The following CNTN1 variants were observed in gnomAD, a reference collection of about 807,000 sequenced individuals.
CNTN1 encodes contactin 1.
Under a neutral mutation model 126.4 loss-of-function variants are expected in CNTN1, and 38 were observed. The ratio of observed to expected loss-of-function variants is 0.30; its 90% CI spans 0.23 to 0.39. The LOEUF is 0.39. Ranked by LOEUF, CNTN1 falls within the 10% of genes least tolerant of loss-of-function variation. The pLI is 1.00. For synonymous variants in CNTN1, 413 were observed against 422.6 expected, an observed-to-expected ratio of 0.98 and a Z score of 0.28; for missense variants, 1,009 against 1,248.4, an observed-to-expected ratio of 0.81 and a Z score of 2.89.
intron 1 of CNTN1, among the ~76,000 whole-genome samples, chr12:40,847,474 C>A (rs1424852315): frequency 6.6e-6 from 1 of 152,100 alleles, no homozygotes; most frequent in Non-Finnish European, 1.5e-5. Flanking sequence ...TACTTCAAAT[C>A]AGCCAAAACT....
At chr12:40,793,180 T>C (rs1008954644) in intron 1 of CNTN1, among the ~76,000 whole-genome samples, 5 of 152,134 alleles carry the variant, frequency 3.3e-5, no homozygotes, top group African/African-American at 1.2e-4. Flanking sequence ...ACCATCTTGC[T>C]GGCCACACCT....
chr12:40,721,269 T>C (rs994148453), intron 1 of CNTN1, among the ~76,000 whole-genome samples: 5 of 152,170 alleles, frequency 3.3e-5, no homozygotes, highest in Admixed American at 1.3e-4. Context: ...ATGTTTCTTA[T>C]CACATTCTCT....
At chr12:40,872,732 AG>A (rs1283665912) in intron 1 of CNTN1, among the ~76,000 whole-genome samples, 1 of 151,610 alleles carries the variant, frequency 6.6e-6, no homozygotes, top group East Asian at 1.9e-4. Flanking sequence ...CACCACGCCC[AG>A]ATAATTTGTG....
chr12:41,051,314 ATT>A (rs60640159), intron 23 of CNTN1, among the ~76,000 whole-genome samples: 11 of 146,896 alleles, frequency 7.5e-5, no homozygotes, highest in African/African-American at 2.7e-4. Flanking sequence ...TGCCCAGATA[ATT>A]TTTTTTTTTA....
chr12:40,766,143 A>C (rs1369501227), intron 1 of CNTN1, among the ~76,000 whole-genome samples: 3 of 152,164 alleles, frequency 2.0e-5, no homozygotes, highest in African/African-American at 7.2e-5. Flanking sequence ...AGATCACTTG[A>C]GGTCAAGGGT....
At chr12:40,779,125 A>AT (rs1565723671) in intron 1 of CNTN1, among the ~76,000 whole-genome samples, 1 of 151,706 alleles carries the variant, frequency 6.6e-6, no homozygotes, top group East Asian at 1.9e-4. Flanking sequence ...AATAATCTTT[A>AT]TTTTTTTAAG....
At chr12:40,715,127 T>A (rs1231525573) in intron 1 of CNTN1, among the ~76,000 whole-genome samples, 1 of 152,178 alleles carries the variant, frequency 6.6e-6, no homozygotes, top group Non-Finnish European at 1.5e-5. Flanking sequence ...TAAATGTACA[T>A]TGAATATCAC....
intron 15 of CNTN1, among the ~76,000 whole-genome samples, chr12:40,968,736 GA>G (rs902611588): frequency 6.6e-6 from 1 of 151,718 alleles, no homozygotes; most frequent in African/African-American, 2.4e-5. Context: ...GTTTAAAAAA[GA>G]AAAAAAATAT....
rs61187240 is a variant in CNTN1 at position 40,872,212 on chromosome 12, TTGTGTGTGTGTGTGTGTGTGTG to T, written c.-76-36117_-76-36096del. ...CGGTAGGGTTTTTCCGTTGCTTTGT[TTGTGTGTGTGTGTGTGTGTGTG>T]TGTGTGTGTGTGTGTGTGTGTGTGT... On this transcript the variant is annotated intron_variant, in intron 1 of 23. Coordinates refer to ENST00000551295, the MANE Select transcript of CNTN1 (RefSeq NM_001843.4). Among the ~76,000 whole-genome samples the T allele has an allele frequency of 3.0e-4, 34 of 113,516 alleles. 1 individual carries two copies. The highest frequency in any genetic ancestry group is 1.2e-3 in the South Asian group (4 of 3,402). The allele number at this position is 113,516 out of a possible 152,430, so 74.5% of individuals were successfully genotyped here. A position where few individuals can be genotyped will look rare whatever the true frequency, so the allele number is the denominator to read the frequency against.
intron 3 of CNTN1, among the ~76,000 whole-genome samples, chr12:40,914,934 T>A (rs1945176396): frequency 6.6e-6 from 1 of 152,144 alleles, no homozygotes; most frequent in African/African-American, 2.4e-5. Context: ...ACACACTCAG[T>A]ATAACTTTAT....
At chr12:40,712,432 A>AT (rs1941941566) in intron 1 of CNTN1, among the ~76,000 whole-genome samples, 2 of 151,888 alleles carry the variant, frequency 1.3e-5, no homozygotes, top group Admixed American at 1.3e-4. Context: ...ATTTTATTTT[A>AT]TTTTTTTACT....
intron 1 of CNTN1, among the ~76,000 whole-genome samples, chr12:40,720,003 ATTTTTTTTTTTTT>A (rs561694238): frequency 5.5e-5 from 7 of 127,238 alleles, no homozygotes; most frequent in African/African-American, 2.1e-4. Flanking sequence ...CGCCCGGTTA[ATTTTTTTTTTTTT>A]TTTTTTTTGT....
chr12:40,938,525 C>T (rs1032686481), intron 11 of CNTN1, among the ~76,000 whole-genome samples: 9 of 152,162 alleles, frequency 5.9e-5, no homozygotes, highest in Non-Finnish European at 1.3e-4. Context: ...ATGTGACTCC[C>T]ACTTATTACT....
intron 7 of CNTN1, among the ~76,000 whole-genome samples, chr12:40,931,814 G>A (rs1945895787): frequency 6.6e-6 from 1 of 151,932 alleles, no homozygotes; most frequent in Non-Finnish European, 1.5e-5. Flanking sequence ...GAATCCACAA[G>A]TTGAACCAGT....
intron 1 of CNTN1, among the ~76,000 whole-genome samples, chr12:40,705,641 A>G (rs867856239): frequency 5.9e-5 from 9 of 152,120 alleles, no homozygotes; most frequent in South Asian, 4.1e-4. Context: ...CTAACTCGTC[A>G]TCTAGCATTA....
chr12:40,773,692 T>TATAC (rs1297325896), intron 1 of CNTN1, among the ~76,000 whole-genome samples: 8 of 10,422 alleles, frequency 7.7e-4, no homozygotes, highest in African/African-American at 2.1e-3. Flanking sequence ...TATATATATA[T>TATAC]ACACATATAT....
intron 1 of CNTN1, among the ~76,000 whole-genome samples, chr12:40,721,108 ATCTC>A (rs1289078522): frequency 2.0e-5 from 3 of 152,018 alleles, no homozygotes; most frequent in Admixed American, 6.6e-5. Context: ...CATTAGTTGA[ATCTC>A]TCTCTCCTCT....
At chr12:40,984,976 T>A (rs1947918957) in intron 16 of CNTN1, among the ~76,000 whole-genome samples, 1 of 152,050 alleles carries the variant, frequency 6.6e-6, no homozygotes, top group East Asian at 1.9e-4. Flanking sequence ...AAAATTACCT[T>A]TACCAATGCT....
chr12:41,032,176 G>T (rs929989080), intron 23 of CNTN1, among the ~76,000 whole-genome samples: 2 of 152,068 alleles, frequency 1.3e-5, no homozygotes, highest in Non-Finnish European at 2.9e-5. Flanking sequence ...TTGCCTCCCA[G>T]TGTTGGCCTC....
Sources: gnomAD v4.1 joint callset for allele counts (sites outside exome capture counted in the v4.1 genomes callset) on GRCh38, gnomAD v4.1.1 for gene constraint, MANE v1.5 for transcripts, NCBI Gene and HGNC (gene_info 2026-07-23, HGNC 2026-07-21) for gene names.